Variants in ITGA8 observed in about 807,000 individuals in gnomAD.
The protein encoded by ITGA8 is integrin alpha-8.
A neutral mutation model predicts 142.3 loss-of-function variants in ITGA8; 91 were observed. The ratio of observed to expected loss-of-function variants is 0.64; its 90% CI spans 0.54 to 0.76. ITGA8 has a LOEUF of 0.76. ITGA8 is among the 30% of genes least tolerant of loss of function. The pLI is 0.00. For missense variants in ITGA8, 1,406 were observed against 1,327.7 expected (o/e 1.06, Z -0.92); for synonymous variants, 505 against 485.2 (o/e 1.04, Z -0.54).
chr10:15,520,738 C>A (rs1418812161), intron 28 of ITGA8, among the ~76,000 whole-genome samples: 4 of 152,210 alleles, frequency 2.6e-5, no homozygotes, highest in Non-Finnish European at 5.9e-5. Flanking sequence ...ACGTAGTATT[C>A]CGGTTTTATC....
At chr10:15,581,979 C>T (rs1302360295) in intron 23 of ITGA8, among the ~76,000 whole-genome samples, 2 of 152,162 alleles carry the variant, frequency 1.3e-5, no homozygotes, top group East Asian at 3.8e-4. Flanking sequence ...TGGCTCATGC[C>T]TGTAATCCTA....
chr10:15,578,212 A>G (rs1366847611), intron 23 of ITGA8, among the ~76,000 whole-genome samples: 1 of 152,128 alleles, frequency 6.6e-6, no homozygotes, highest in Admixed American at 6.6e-5. Flanking sequence ...GGCAACCACT[A>G]ATCTGTTCCT....
intron 28 of ITGA8, among the ~76,000 whole-genome samples, chr10:15,524,263 C>T (rs902388556): frequency 2.0e-5 from 3 of 152,098 alleles, no homozygotes; most frequent in African/African-American, 7.2e-5. Flanking sequence ...GAAGTCACTA[C>T]AGTAAGAACA....
intron 23 of ITGA8, among the ~76,000 whole-genome samples, chr10:15,578,193 A>C (rs1272766107): frequency 6.6e-6 from 1 of 152,054 alleles, no homozygotes; most frequent in African/African-American, 2.4e-5. Context: ...TATCTCCTCC[A>C]TATCTCTTGG....
chr10:15,683,972 A>T, intron 4 of ITGA8, 32 bp downstream of exon 4: 1 of 1,613,016 alleles, frequency 6.2e-7, no homozygotes, highest in Non-Finnish European at 8.5e-7. Flanking sequence ...CACTTGAGCT[A>T]ATGTCAGTTT....
At chr10:15,699,592 G>A (rs533890806) in intron 2 of ITGA8, among the ~76,000 whole-genome samples, 1 of 152,164 alleles carries the variant, frequency 6.6e-6, no homozygotes, top group South Asian at 2.1e-4. Context: ...AACATTTGTG[G>A]GTTTTTTTCC....
intron 13 of ITGA8, among the ~76,000 whole-genome samples, chr10:15,632,890 T>A (rs1335436035): frequency 1.3e-5 from 2 of 151,284 alleles, no homozygotes; most frequent in Admixed American, 1.3e-4. Flanking sequence ...GGCTGGACAG[T>A]CACTGCTGGT....
intron 2 of ITGA8, among the ~76,000 whole-genome samples, chr10:15,689,646 T>C (rs1834896751): frequency 6.6e-6 from 1 of 152,208 alleles, no homozygotes; most frequent in Non-Finnish European, 1.5e-5. Context: ...GCTACTGCAC[T>C]GAGCCATCTG....
chr10:15,530,049 T>C (rs1049745881), intron 28 of ITGA8, among the ~76,000 whole-genome samples: 2 of 152,168 alleles, frequency 1.3e-5, no homozygotes, highest in African/African-American at 4.8e-5. Context: ...CCTAATATTG[T>C]TTTTTGGAGC....
Position 15,679,585 on chromosome 10 carries a change from C to A in ITGA8, c.569-802G>T, listed in dbSNP as rs151253747. Among the ~76,000 whole-genome samples, 18 of 152,190 alleles carry A rather than the reference C, an allele frequency of 1.2e-4. 1 individual carries two copies. In the East Asian group the frequency reaches 3.1e-3, roughly 26 times the overall value. On this transcript the variant is annotated intron_variant, in intron 4 of 29. Transcript: ENST00000378076. ...TGACAGAGCAAGACTCCAACTCAAA[C>A]AAAATAATAATAAAAACAAATTATC...
intron 25 of ITGA8, among the ~76,000 whole-genome samples, chr10:15,570,017 T>A (rs1371337675): frequency 6.6e-6 from 1 of 152,188 alleles, no homozygotes; most frequent in Non-Finnish European, 1.5e-5. Flanking sequence ...TGATTATCTG[T>A]TTTTTAATGT....
intron 21 of ITGA8, among the ~76,000 whole-genome samples, chr10:15,594,868 G>C (rs909834046): frequency 6.6e-6 from 1 of 152,134 alleles, no homozygotes; most frequent in African/African-American, 2.4e-5. Flanking sequence ...ATTGTATTGC[G>C]ATAGAGGCTA....
chr10:15,689,367 C>T (rs1433805406), intron 2 of ITGA8, among the ~76,000 whole-genome samples: 1 of 152,170 alleles, frequency 6.6e-6, no homozygotes, highest in Non-Finnish European at 1.5e-5. Flanking sequence ...AGAATAGAAA[C>T]TCCGGATGGC....
chr10:15,653,223 C>T (rs1834122163), intron 11 of ITGA8, among the ~76,000 whole-genome samples: 1 of 152,324 alleles, frequency 6.6e-6, no homozygotes, highest in Non-Finnish European at 1.5e-5. Context: ...CCTCACCTCC[C>T]TTAGGTGTTT....
intron 2 of ITGA8, among the ~76,000 whole-genome samples, chr10:15,711,340 C>A (rs1208586225): frequency 6.6e-6 from 1 of 152,098 alleles, no homozygotes; most frequent in African/African-American, 2.4e-5. Context: ...TTTACACCCC[C>A]AGGTGTTGTT....
intron 27 of ITGA8, among the ~76,000 whole-genome samples, chr10:15,538,417 C>T (rs752874007): frequency 7.5e-5 from 11 of 146,488 alleles, no homozygotes; most frequent in South Asian, 6.7e-4. Flanking sequence ...GAGGCTGAGA[C>T]GGGAGAATCG....
intron 11 of ITGA8, among the ~76,000 whole-genome samples, chr10:15,648,449 AAT>A (rs1456614858): frequency 6.7e-6 from 1 of 150,148 alleles, no homozygotes; most frequent in Non-Finnish European, 1.5e-5. Flanking sequence ...TAATGTATGA[AAT>A]ATATAAATTG....
intron 22 of ITGA8, among the ~76,000 whole-genome samples, chr10:15,588,534 A>C (rs1832870918): frequency 6.6e-6 from 1 of 152,208 alleles, no homozygotes; most frequent in African/African-American, 2.4e-5. Context: ...TACTTATTGT[A>C]GACTTTATGG....
chr10:15,535,565 G>A (rs574031855), intron 27 of ITGA8, among the ~76,000 whole-genome samples: 1 of 152,214 alleles, frequency 6.6e-6, no homozygotes, highest in South Asian at 2.1e-4. Flanking sequence ...TAGCTTCTCT[G>A]GTGGGGACTT....
Sources: gnomAD v4.1 joint callset for allele counts (sites outside exome capture counted in the v4.1 genomes callset) on GRCh38, gnomAD v4.1.1 for gene constraint, MANE v1.5 for transcripts, NCBI Gene and HGNC (gene_info 2026-07-23, HGNC 2026-07-21) for gene names.